VTI1A: variants seen among roughly 807,000 people sequenced by gnomAD.
The protein encoded by VTI1A is vesicle transport through interaction with t-SNAREs 1A.
A neutral mutation model predicts 34.9 loss-of-function variants in VTI1A; 22 were observed. The ratio of observed to expected loss-of-function variants is 0.63; its 90% CI spans 0.45 to 0.90. The LOEUF is 0.90. VTI1A is among the 40% of genes least tolerant of loss of function. The pLI is 0.00. For synonymous variants in VTI1A, 87 were observed against 97.3 expected (o/e 0.89, Z 0.62); for missense variants, 268 against 275.6 (o/e 0.97, Z 0.20).
chr10:112,807,590 C>T (rs1853131366), intron 7 of VTI1A, among the ~76,000 whole-genome samples: 1 of 152,146 alleles, frequency 6.6e-6, no homozygotes, highest in Admixed American at 6.5e-5. Context: ...TGGTGGCTCA[C>T]ACCTGTAATC....
intron 7 of VTI1A, among the ~76,000 whole-genome samples, chr10:112,793,610 A>G (rs1852565513): frequency 6.6e-6 from 1 of 152,238 alleles, no homozygotes; most frequent in African/African-American, 2.4e-5. Context: ...AGTCATAAAA[A>G]TGAAGTGTGC....
At chr10:112,550,976 G>A (rs961996941) in intron 5 of VTI1A, among the ~76,000 whole-genome samples, 3 of 152,128 alleles carry the variant, frequency 2.0e-5, no homozygotes, top group Admixed American at 6.5e-5. Context: ...GGGCGCGGTG[G>A]CTCACGCCTG....
rs531478048 is a variant in VTI1A, at chr10:112,781,834, G to A, written c.561-33456G>A. Reference sequence around the variant, plus strand: ...TGCACCACTGCACTCCAGCCTGGGCGACAGAGTGAGACTCTGTCTAAAAAG... The same window carrying A: ...TGCACCACTGCACTCCAGCCTGGGCAACAGAGTGAGACTCTGTCTAAAAAG... On this transcript the variant is annotated intron_variant, in intron 7 of 7. Transcript: ENST00000393077. Among the ~76,000 whole-genome samples the A allele has an allele frequency of 7.2e-5, 11 of 152,196 alleles. 1 individual carries two copies. In the South Asian group the frequency reaches 1.2e-3, roughly 17 times the overall value.
At chr10:112,668,121 T>C (rs1446529102) in intron 5 of VTI1A, 97 bp from the exon 6 acceptor site, 2 of 917,228 alleles carry the variant, frequency 2.2e-6, no homozygotes, top group African/African-American at 3.3e-5. Context: ...AATGCATGCA[T>C]GCAACTTTAA....
At chr10:112,720,931 A>G (rs976107459) in intron 7 of VTI1A, among the ~76,000 whole-genome samples, 1 of 151,836 alleles carries the variant, frequency 6.6e-6, no homozygotes, top group Non-Finnish European at 1.5e-5. Flanking sequence ...AGAATATAGC[A>G]CTTTGCCACT....
intron 7 of VTI1A, among the ~76,000 whole-genome samples, chr10:112,782,196 C>T (rs1188297052): frequency 1.3e-5 from 2 of 152,244 alleles, no homozygotes; most frequent in African/African-American, 4.8e-5. Flanking sequence ...CAGATCATTT[C>T]CCACAGACCT....
At chr10:112,711,206 A>G (rs2133921039) in intron 7 of VTI1A, among the ~76,000 whole-genome samples, 1 of 152,338 alleles carries the variant, frequency 6.6e-6, no homozygotes, top group South Asian at 2.1e-4. Context: ...AGGCATATCT[A>G]GTGACATTAA....
intron 5 of VTI1A, among the ~76,000 whole-genome samples, chr10:112,572,000 G>A (rs1852142904): frequency 6.6e-6 from 1 of 152,048 alleles, no homozygotes; most frequent in Non-Finnish European, 1.5e-5. Context: ...AGAGAGGAGG[G>A]GCACAAAGGC....
intron 5 of VTI1A, among the ~76,000 whole-genome samples, chr10:112,580,994 C>T (rs74158742): frequency 0.042 from 6,355 of 152,256 alleles, 473 homozygotes; most frequent in African/African-American, 0.14. Context: ...AGCATTTATA[C>T]ACCATATGAT....
chr10:112,706,969 C>CA (rs1188781853), intron 7 of VTI1A, among the ~76,000 whole-genome samples: 3 of 151,954 alleles, frequency 2.0e-5, no homozygotes, highest in Non-Finnish European at 2.9e-5. Context: ...TTTTTTAACA[C>CA]AAAAAAATGT....
At chr10:112,764,479 T>G in intron 7 of VTI1A, among the ~76,000 whole-genome samples, 1 of 152,328 alleles carries the variant, frequency 6.6e-6, no homozygotes, top group East Asian at 1.9e-4. Flanking sequence ...AAAAATGTTA[T>G]TGTTAATTCT....
intron 5 of VTI1A, among the ~76,000 whole-genome samples, chr10:112,662,184 G>C (rs183805405): frequency 1.3e-5 from 2 of 152,068 alleles, no homozygotes; most frequent in African/African-American, 4.8e-5. Context: ...TCTGTGGATC[G>C]GCTTTTTACA....
intron 5 of VTI1A, among the ~76,000 whole-genome samples, chr10:112,581,104 G>A (rs575735952): frequency 1.6e-4 from 24 of 152,268 alleles, no homozygotes; most frequent in Admixed American, 1.2e-3. Context: ...TGCCTTCTGG[G>A]TTCCAGTTAG....
intron 7 of VTI1A, among the ~76,000 whole-genome samples, chr10:112,724,643 C>T (rs1306665461): frequency 6.6e-6 from 1 of 152,032 alleles, no homozygotes; most frequent in Non-Finnish European, 1.5e-5. Flanking sequence ...AATCTGTGTT[C>T]GCCCTCCCTC....
intron 3 of VTI1A, among the ~76,000 whole-genome samples, chr10:112,508,144 T>C (rs1000310318): frequency 6.6e-6 from 1 of 152,256 alleles, no homozygotes; most frequent in Non-Finnish European, 1.5e-5. Context: ...TCTGCTTCTC[T>C]GAACAAACCG....
chr10:112,473,537 A>G (rs1848173596), intron 3 of VTI1A, among the ~76,000 whole-genome samples: 1 of 152,066 alleles, frequency 6.6e-6, no homozygotes, highest in African/African-American at 2.4e-5. Flanking sequence ...ATCCTAATAT[A>G]TTTCCATTTA....
intron 5 of VTI1A, among the ~76,000 whole-genome samples, chr10:112,551,178 A>C (rs1485602274): frequency 2.9e-5 from 4 of 137,264 alleles, no homozygotes; most frequent in Non-Finnish European, 6.1e-5. Context: ...CGGCGAGCGG[A>C]GCTTGCCGTG....
At chr10:112,719,703 C>A (rs1044839635) in intron 7 of VTI1A, among the ~76,000 whole-genome samples, 1 of 152,174 alleles carries the variant, frequency 6.6e-6, no homozygotes, top group Non-Finnish European at 1.5e-5. Context: ...TGCGCCACCA[C>A]ACCCTGCTAG....
chr10:112,649,769 G>A (rs541075007), intron 5 of VTI1A, among the ~76,000 whole-genome samples: 10 of 152,294 alleles, frequency 6.6e-5, no homozygotes, highest in Admixed American at 2.0e-4. Context: ...CTCCTAGGCT[G>A]CAAACCTGTA....
Sources: allele counts gnomAD v4.1 joint callset (sites outside exome capture counted in the v4.1 genomes callset), GRCh38; gene constraint gnomAD v4.1.1; transcripts MANE v1.5; gene names NCBI Gene and HGNC (gene_info 2026-07-23, HGNC 2026-07-21).